The following NLGN4X variants were observed in gnomAD, a reference collection of about 807,000 sequenced individuals.
The protein encoded by NLGN4X is neuroligin-4, X-linked.
In NLGN4X, 3 loss-of-function variants were observed where a neutral mutation model predicts 40.3. The ratio of observed to expected loss-of-function variants is 0.07; its 90% confidence interval spans 0.03 to 0.19. The LOEUF is 0.19. Ranked by LOEUF, NLGN4X falls within the 10% of genes least tolerant of loss-of-function variation. NLGN4X has a pLI of 1.00. For synonymous variants in NLGN4X, 270 were observed against 306.8 expected, an observed-to-expected ratio of 0.88 and a Z score of 1.25; for missense variants, 382 against 708.3, an observed-to-expected ratio of 0.54 and a Z score of 5.23.
chrX:6,114,689 A>C (rs35005859), intron 2 of NLGN4X, among the ~76,000 whole-genome samples: 25,220 of 110,709 alleles, frequency 0.23, 2,364 homozygotes, highest in African/African-American at 0.32. Context: ...TTTTTTTCTT[A>C]ATACATACAA....
intron 2 of NLGN4X, among the ~76,000 whole-genome samples, chrX:6,126,064 C>T (rs183469862): frequency 0.015 from 1,694 of 110,541 alleles, 27 homozygotes; most frequent in African/African-American, 0.051. Flanking sequence ...ATTTTCAGAG[C>T]ACATTAATTA....
intron 2 of NLGN4X, among the ~76,000 whole-genome samples, chrX:6,034,055 C>G (rs970336545): frequency 8.9e-6 from 1 of 112,309 alleles, no homozygotes; most frequent in African/African-American, 3.2e-5. Flanking sequence ...TATTTTGAAA[C>G]CAAGACTTGA....
intron 2 of NLGN4X, among the ~76,000 whole-genome samples, chrX:6,092,483 G>A (rs924637119): frequency 1.8e-5 from 2 of 112,184 alleles, no homozygotes; most frequent in Admixed American, 9.4e-5. Context: ...GAAGGAAAGC[G>A]AACCTACCTG....
At chrX:5,910,186 C>T (rs2032412247) in intron 3 of NLGN4X, among the ~76,000 whole-genome samples, 1 of 111,795 alleles carries the variant, frequency 8.9e-6, no homozygotes, top group Non-Finnish European at 1.9e-5. Flanking sequence ...GGAAGACATA[C>T]ACTCTCCTAC....
chrX:6,210,487 T>C (rs766610334), intron 1 of NLGN4X, among the ~76,000 whole-genome samples: 2 of 111,251 alleles, frequency 1.8e-5, no homozygotes, highest in Admixed American at 9.7e-5. Flanking sequence ...AATAAAACCT[T>C]GTTAAAAATA....
intron 3 of NLGN4X, among the ~76,000 whole-genome samples, chrX:5,946,326 G>A (rs984695795): frequency 5.6e-4 from 63 of 111,732 alleles, no homozygotes; most frequent in African/African-American, 2.0e-3. Flanking sequence ...AGACACCTAT[G>A]TATCTATTAC....
At chrX:5,925,899 T>TATATAA (rs1555921220) in intron 3 of NLGN4X, among the ~76,000 whole-genome samples, 2 of 31,314 alleles carry the variant, frequency 6.4e-5, no homozygotes, top group Admixed American at 3.4e-4. Flanking sequence ...TATATATATA[T>TATATAA]ATATATATAT....
intron 2 of NLGN4X, among the ~76,000 whole-genome samples, chrX:6,150,050 C>G (rs2040132790): frequency 9.0e-6 from 1 of 110,985 alleles, no homozygotes; most frequent in Admixed American, 9.6e-5. Flanking sequence ...AGGACACACT[C>G]TAGTTTCTAC....
chrX:6,174,081 CAAA>C (rs1399795384), intron 1 of NLGN4X, among the ~76,000 whole-genome samples: 1 of 109,369 alleles, frequency 9.1e-6, no homozygotes, highest in African/African-American at 3.3e-5. Flanking sequence ...CAAAACAAAA[CAAA>C]AAACAAAAAA....
At chrX:6,150,435 C>G (rs140925699) in intron 2 of NLGN4X, among the ~76,000 whole-genome samples, 24 of 112,055 alleles carry the variant, frequency 2.1e-4, no homozygotes, top group African/African-American at 7.1e-4. Flanking sequence ...AAGAAAAGAA[C>G]ATCCAAATTT....
At chrX:6,073,207 C>A (rs750636057) in intron 2 of NLGN4X, among the ~76,000 whole-genome samples, 6 of 111,800 alleles carry the variant, frequency 5.4e-5, no homozygotes, top group African/African-American at 1.9e-4. Context: ...TCAGTCACCC[C>A]CTGCCTTCTC....
At chrX:6,225,159 T>A (rs1443595662) in intron 1 of NLGN4X, among the ~76,000 whole-genome samples, 7 of 105,699 alleles carry the variant, frequency 6.6e-5, no homozygotes, top group African/African-American at 2.4e-4. Context: ...GAGTTCTCCA[T>A]GAAATTCCTG....
chrX:6,211,304 A>T (rs1454961423), intron 1 of NLGN4X, among the ~76,000 whole-genome samples: 1 of 111,901 alleles, frequency 8.9e-6, no homozygotes, highest in East Asian at 2.8e-4. Flanking sequence ...TTTGAAAATT[A>T]GAGGCGGGAG....
intron 3 of NLGN4X, among the ~76,000 whole-genome samples, chrX:5,934,915 C>G (rs1601912864): frequency 8.9e-6 from 1 of 112,108 alleles, no homozygotes; most frequent in African/African-American, 3.2e-5. Context: ...AAGAAATAAT[C>G]TGTCCAAGGT....
Position 6,210,143 on chromosome X carries a change from G to A in NLGN4X, c.-306+18398C>T, listed in dbSNP as rs547141600. Among the ~76,000 whole-genome samples, 4 of 111,459 alleles carry A rather than the reference G, an allele frequency of 3.6e-5. No individual in the cohort carries two copies. The South Asian group carries it at 1.5e-3, about 42-fold the overall frequency. The stretch of plus-strand genomic sequence containing the variant: ...GCCTCTATCATTCAAAATATCACAT[G>A]CAATGTGGAGTTCAATAGAACTAAT... On this transcript the variant is annotated intron_variant, in intron 1 of 5. Transcript: ENST00000381095.
At chrX:6,163,828 G>A (rs1467899477) in intron 1 of NLGN4X, among the ~76,000 whole-genome samples, 1 of 112,835 alleles carries the variant, frequency 8.9e-6, no homozygotes, top group Non-Finnish European at 1.9e-5. Context: ...ACTATGATAA[G>A]TATCTAAGGG....
At chrX:6,023,455 T>C (rs1424682905) in intron 3 of NLGN4X, among the ~76,000 whole-genome samples, 1 of 112,382 alleles carries the variant, frequency 8.9e-6, no homozygotes, top group African/African-American at 3.2e-5. Flanking sequence ...ACTCATTCCA[T>C]GGTTTACTAA....
chrX:5,914,043 C>T (rs867899773), intron 3 of NLGN4X, among the ~76,000 whole-genome samples: 1 of 112,056 alleles, frequency 8.9e-6, no homozygotes, highest in Admixed American at 9.5e-5. Context: ...AACTTCTTTT[C>T]TTTATACATT....
chrX:6,199,327 C>T (rs1220606929), intron 1 of NLGN4X, among the ~76,000 whole-genome samples: 2 of 111,601 alleles, frequency 1.8e-5, no homozygotes, highest in African/African-American at 6.5e-5. Context: ...CTCAACACAA[C>T]ATTCATCTTA....
Sources: allele counts gnomAD v4.1 joint callset (sites outside exome capture counted in the v4.1 genomes callset), GRCh38; gene constraint gnomAD v4.1.1; transcripts MANE v1.5; gene names NCBI Gene and HGNC (gene_info 2026-07-23, HGNC 2026-07-21).